The following GPC5 variants were observed in gnomAD, a reference collection of about 807,000 sequenced individuals.
GPC5 encodes the protein glypican-5.
Under a neutral mutation model 53.9 loss-of-function variants are expected in GPC5, and 47 were observed. The ratio of observed to expected loss-of-function variants is 0.87; its 90% CI spans 0.69 to 1.11. The LOEUF (loss-of-function observed/expected upper bound fraction) is 1.11, where lower values mean the gene tolerates loss of function less well. Ranked by LOEUF, GPC5 falls within the 50% of genes most tolerant of loss-of-function variation. The probability of loss-of-function intolerance (pLI) is 0.00; values close to 1 mark genes in which losing one functional copy is unlikely to be tolerated. For synonymous variants in GPC5, 286 were observed against 263.3 expected (o/e 1.09, Z -0.84); for missense variants, 748 against 713.1 (o/e 1.05, Z -0.56).
intron 7 of GPC5, among the ~76,000 whole-genome samples, chr13:92,290,468 C>CT (rs1239713395): frequency 6.6e-6 from 1 of 152,130 alleles, no homozygotes; most frequent in Non-Finnish European, 1.5e-5. Context: ...TATTTGTAGT[C>CT]TTTTTTTCCT....
chr13:91,757,127 T>G (rs1266008783), intron 5 of GPC5, among the ~76,000 whole-genome samples: 2 of 152,114 alleles, frequency 1.3e-5, no homozygotes, highest in Non-Finnish European at 2.9e-5. Flanking sequence ...CTCCTGAGCT[T>G]GAGAAAGTCA....
Position 91,638,365 on chromosome 13 carries a change from C to CT in GPC5, c.326-54812dup, listed in dbSNP as rs1255390476. 1.0e-3 allele frequency among the ~76,000 whole-genome samples: 153 copies of CT among 148,662 alleles called. 1 individual carries two copies. Among genetic ancestry groups the CT allele is most frequent in the Non-Finnish European group, 9.0e-4 (60 of 66,824 alleles). The stretch of plus-strand genomic sequence containing the variant: ...TTACAATAGACATTTCTTTCTTTTT[C>CT]TTTTTTTTTTCTTTTTTTGAGACGG... On this transcript the variant is annotated intron_variant, in intron 2 of 7. Transcript: ENST00000377067.
At chr13:92,401,175 C>CT (rs1875540442) in intron 7 of GPC5, among the ~76,000 whole-genome samples, 1 of 143,152 alleles carries the variant, frequency 7.0e-6, no homozygotes, top group Admixed American at 7.2e-5. Context: ...GCCTAGCCAT[C>CT]TATTTTTTTT....
chr13:92,856,359 G>A (rs1256594687), intron 7 of GPC5, among the ~76,000 whole-genome samples: 2 of 151,896 alleles, frequency 1.3e-5, no homozygotes, highest in Admixed American at 6.6e-5. Flanking sequence ...AAGAAGAGCC[G>A]TCTATGACAA....
intron 2 of GPC5, among the ~76,000 whole-genome samples, chr13:91,689,595 G>A (rs569430609): frequency 1.3e-5 from 2 of 150,030 alleles, no homozygotes; most frequent in South Asian, 2.1e-4. Context: ...CACTCTATAA[G>A]CTTTTTTTTT....
At chr13:91,678,304 C>T (rs537856292) in intron 2 of GPC5, among the ~76,000 whole-genome samples, 11 of 152,190 alleles carry the variant, frequency 7.2e-5, no homozygotes, top group East Asian at 1.9e-4. Flanking sequence ...AAATTTAAAC[C>T]GTTTTTAAGT....
intron 5 of GPC5, among the ~76,000 whole-genome samples, chr13:91,863,511 G>T (rs2039052599): frequency 6.6e-6 from 1 of 152,100 alleles, no homozygotes. Context: ...ACAAATGTCT[G>T]AAACTGAATC....
intron 7 of GPC5, among the ~76,000 whole-genome samples, chr13:92,767,844 C>A (rs1035737035): frequency 1.3e-5 from 2 of 152,146 alleles, no homozygotes; most frequent in Non-Finnish European, 2.9e-5. Flanking sequence ...CACATTCCAC[C>A]CAGTTGACAC....
rs536939157 is a variant in GPC5, at chr13:91,905,029, C to T, written c.1281-2908C>T. Among the ~76,000 whole-genome samples the T allele has an allele frequency of 8.5e-5, 13 of 152,094 alleles. No homozygotes were observed. The South Asian group carries it at 2.7e-3, about 32-fold the overall frequency. ...AATGGCCTTAAATCAGTCAGACTTC[C>T]CGTACTTTGAGGTCTATGAGTTTCT... On this transcript the variant is annotated intron_variant, in intron 5 of 7. Transcript: ENST00000377067.
chr13:91,572,418 T>C (rs1188387496), intron 2 of GPC5, among the ~76,000 whole-genome samples: 1 of 152,044 alleles, frequency 6.6e-6, no homozygotes, highest in Admixed American at 6.6e-5. Flanking sequence ...AAAGGTTTAT[T>C]TGCTTCACAG....
intron 7 of GPC5, among the ~76,000 whole-genome samples, chr13:92,610,333 T>C (rs1248112275): frequency 6.6e-6 from 1 of 152,168 alleles, no homozygotes. Flanking sequence ...ACTTAATGTA[T>C]CATAGATCTC....
At chr13:91,480,395 C>T (rs1238364531) in intron 2 of GPC5, among the ~76,000 whole-genome samples, 2 of 152,176 alleles carry the variant, frequency 1.3e-5, no homozygotes, top group Admixed American at 1.3e-4. Flanking sequence ...CACATGTACA[C>T]ATGTCTCTCT....
chr13:91,426,879 T>A (rs1463710782), intron 1 of GPC5, among the ~76,000 whole-genome samples: 1 of 152,152 alleles, frequency 6.6e-6, no homozygotes, highest in African/African-American at 2.4e-5. Context: ...CATCCTTCAA[T>A]CCAGTCAAGT....
intron 7 of GPC5, among the ~76,000 whole-genome samples, chr13:92,272,821 A>C (rs764373976): frequency 3.3e-5 from 5 of 152,240 alleles, no homozygotes; most frequent in Non-Finnish European, 7.3e-5. Flanking sequence ...ATAAACTTTC[A>C]TAAATGATAT....
At chr13:91,817,274 G>A (rs1490739866) in intron 5 of GPC5, among the ~76,000 whole-genome samples, 1 of 152,110 alleles carries the variant, frequency 6.6e-6, no homozygotes, top group African/African-American at 2.4e-5. Flanking sequence ...GGTACATAAT[G>A]GGAATGAATT....
intron 7 of GPC5, among the ~76,000 whole-genome samples, chr13:92,308,763 G>A (rs2043127433): frequency 6.6e-6 from 1 of 151,974 alleles, no homozygotes; most frequent in African/African-American, 2.4e-5. Flanking sequence ...TTCTGATATT[G>A]ACTTTGGGTA....
At chr13:92,322,536 T>G (rs1419162066) in intron 7 of GPC5, among the ~76,000 whole-genome samples, 1 of 152,198 alleles carries the variant, frequency 6.6e-6, no homozygotes, top group African/African-American at 2.4e-5. Flanking sequence ...GTTTTGTTAT[T>G]GCTTAATGCA....
intron 2 of GPC5, among the ~76,000 whole-genome samples, chr13:91,515,182 T>C (rs527866893): frequency 3.3e-5 from 5 of 152,332 alleles, no homozygotes; most frequent in African/African-American, 1.2e-4. Context: ...AGTCGCACTA[T>C]AGTTATCTTG....
At chr13:91,496,889 T>C (rs1310237127) in intron 2 of GPC5, among the ~76,000 whole-genome samples, 1 of 152,186 alleles carries the variant, frequency 6.6e-6, no homozygotes, top group Non-Finnish European at 1.5e-5. Context: ...ATGTACCCCA[T>C]AAATATATGC....
Sources: gnomAD v4.1 joint callset for allele counts (sites outside exome capture counted in the v4.1 genomes callset) on GRCh38, gnomAD v4.1.1 for gene constraint, MANE v1.5 for transcripts, NCBI Gene and HGNC (gene_info 2026-07-23, HGNC 2026-07-21) for gene names.